Variants in GIPC2 observed in about 807,000 individuals in gnomAD.
The protein encoded by GIPC2 is GIPC PDZ domain containing family member 2.
A neutral mutation model predicts 30.6 loss-of-function variants in GIPC2; 30 were observed. That is an observed-to-expected ratio of 0.98 (90% CI 0.73 to 1.33). The LOEUF (loss-of-function observed/expected upper bound fraction) is 1.33. GIPC2 is among the 40% of genes most tolerant of loss of function. The pLI is 0.00. For missense variants in GIPC2, 414 were observed against 390.3 expected, an observed-to-expected ratio of 1.06 and a Z score of -0.51; for synonymous variants, 167 against 150.0, an observed-to-expected ratio of 1.11 and a Z score of -0.83.
chr1:78,073,622 A>G (rs1661662818), intron 1 of GIPC2, among the ~76,000 whole-genome samples: 1 of 152,214 alleles, frequency 6.6e-6, no homozygotes, highest in Non-Finnish European at 1.5e-5. Flanking sequence ...TGGAACATGT[A>G]GAATCTTTGG....
chr1:78,120,648 A>G (rs1662663519), intron 4 of GIPC2, among the ~76,000 whole-genome samples: 1 of 152,212 alleles, frequency 6.6e-6, no homozygotes, highest in Non-Finnish European at 1.5e-5. Flanking sequence ...TCATGGTGGA[A>G]GGTGAATGAG....
intron 1 of GIPC2, among the ~76,000 whole-genome samples, chr1:78,053,395 AAC>A (rs1661229568): frequency 6.6e-6 from 1 of 152,132 alleles, no homozygotes; most frequent in African/African-American, 2.4e-5. Context: ...CAAATCACCT[AAC>A]ACAAGCCCAA....
chr1:78,105,940 A>G (rs1432335315), intron 3 of GIPC2, among the ~76,000 whole-genome samples: 2 of 152,094 alleles, frequency 1.3e-5, no homozygotes, highest in Non-Finnish European at 2.9e-5. Flanking sequence ...TTATGTGTGG[A>G]AAAATGTTTG....
At chr1:78,076,088 C>A (rs1196801979) in intron 1 of GIPC2, among the ~76,000 whole-genome samples, 1 of 152,208 alleles carries the variant, frequency 6.6e-6, no homozygotes, top group Non-Finnish European at 1.5e-5. Flanking sequence ...AGGATTCTTT[C>A]CCCAAACCCC....
chr1:78,106,821 C>T (rs915691389), intron 3 of GIPC2, among the ~76,000 whole-genome samples: 6 of 152,002 alleles, frequency 3.9e-5, no homozygotes, highest in African/African-American at 9.7e-5. Context: ...GCTGGGATTA[C>T]AGGCATGTAC....
chr1:78,077,960 G>A (rs1044053839), intron 1 of GIPC2, among the ~76,000 whole-genome samples: 4 of 151,794 alleles, frequency 2.6e-5, no homozygotes, highest in Non-Finnish European at 4.4e-5. Context: ...AGGCCGAGGC[G>A]GGCGGATCAC....
intron 3 of GIPC2, among the ~76,000 whole-genome samples, chr1:78,109,051 T>C (rs1662414377): frequency 6.6e-6 from 1 of 152,208 alleles, no homozygotes; most frequent in African/African-American, 2.4e-5. Context: ...CTGTCTGATG[T>C]ACCTGATTCA....
At chr1:78,117,112 A>G (rs1446216535) in intron 3 of GIPC2, among the ~76,000 whole-genome samples, 1 of 152,242 alleles carries the variant, frequency 6.6e-6, no homozygotes, top group Non-Finnish European at 1.5e-5. Context: ...ACAAAGGGCT[A>G]ATATGCAGAA....
rs926091811 is a variant in GIPC2, at chr1:78,138,156, C to T, written c.*2413C>T. The T allele has an allele frequency of 7.2e-5, 11 of 152,112 alleles. No individual in the cohort carries two copies. The highest frequency in any genetic ancestry group is 5.8e-4 in the East Asian group (3 of 5,168). The allele number at this position is 152,112 out of a possible 1,614,324, so 9.4% of individuals were successfully genotyped here. Reference sequence around the variant, plus strand: ...GCAAATGATAATTGTATGTTGGGCTCGATGAGGCCTTGAACATAGCTGAGT... The same window carrying T: ...GCAAATGATAATTGTATGTTGGGCTTGATGAGGCCTTGAACATAGCTGAGT... On this transcript the variant is annotated 3_prime_UTR_variant, in exon 6 of 6. Coordinates refer to ENST00000370759, the MANE Select transcript of GIPC2 (RefSeq NM_017655.6).
intron 3 of GIPC2, among the ~76,000 whole-genome samples, chr1:78,100,941 TACACACAC>T (rs71590709): frequency 5.5e-4 from 63 of 114,874 alleles, no homozygotes; most frequent in Middle Eastern, 4.2e-3. Context: ...AAAAAAAAAA[TACACACAC>T]ACACACACAC....
chr1:78,082,887 A>T (rs183398550), intron 2 of GIPC2, among the ~76,000 whole-genome samples: 1 of 152,086 alleles, frequency 6.6e-6, no homozygotes, highest in African/African-American at 2.4e-5. Context: ...CATTTATCCA[A>T]ATCTCCAATT....
chr1:78,098,499 C>T (rs1662181500), intron 3 of GIPC2, among the ~76,000 whole-genome samples: 1 of 152,044 alleles, frequency 6.6e-6, no homozygotes, highest in Non-Finnish European at 1.5e-5. Context: ...AATTATCTAT[C>T]TCACAAATTA....
At position 78,046,037 on chromosome 1, in the gene GIPC2, CG is replaced by C; in HGVS notation, c.-52del. On this transcript the variant is annotated 5_prime_UTR_variant, in exon 1 of 6. Transcript: ENST00000370759. The stretch of plus-strand genomic sequence containing the variant: ...GCCCGGGGCGCAAAGTCCGAGGCGC[CG>C]GGGGGAGGAGGCGGCGGACGGCAGC... 5 of 1,399,658 alleles carry C rather than the reference CG, an allele frequency of 3.6e-6. No individual in the cohort carries two copies. The highest frequency in any genetic ancestry group is 3.7e-5 in the Admixed American group (1 of 26,684). The allele number at this position is 1,399,658 out of a possible 1,614,324, so 86.7% of individuals were successfully genotyped here.
chr1:78,122,826 C>A (rs1047258491), intron 4 of GIPC2, among the ~76,000 whole-genome samples: 15 of 152,106 alleles, frequency 9.9e-5, no homozygotes, highest in African/African-American at 3.6e-4. Context: ...GAATAAAAAC[C>A]CTGTTTCTCT....
At chr1:78,058,287 T>G (rs1331750777) in intron 1 of GIPC2, among the ~76,000 whole-genome samples, 1 of 152,190 alleles carries the variant, frequency 6.6e-6, no homozygotes, top group Non-Finnish European at 1.5e-5. Context: ...AAAAATCATG[T>G]ATGTAAGATC....
intron 1 of GIPC2, among the ~76,000 whole-genome samples, chr1:78,062,488 C>T (rs1661412070): frequency 6.6e-6 from 1 of 151,096 alleles, no homozygotes; most frequent in Non-Finnish European, 1.5e-5. Flanking sequence ...AAGGGAATTA[C>T]TGTGTTTTTT....
chr1:78,090,251 G>A (rs1329070305), intron 2 of GIPC2, among the ~76,000 whole-genome samples: 1 of 152,166 alleles, frequency 6.6e-6, no homozygotes, highest in African/African-American at 2.4e-5. Flanking sequence ...CTGTAGTGCA[G>A]TGGTGTGGTC....
chr1:78,123,199 G>A (rs1386433534), intron 4 of GIPC2, among the ~76,000 whole-genome samples: 1 of 149,476 alleles, frequency 6.7e-6, no homozygotes, highest in East Asian at 2.0e-4. Context: ...GGCGGAGGTT[G>A]CAGCGAGCCG....
chr1:78,079,484 G>A (rs1229100382), intron 1 of GIPC2, among the ~76,000 whole-genome samples: 1 of 152,192 alleles, frequency 6.6e-6, no homozygotes, highest in African/African-American at 2.4e-5. Context: ...CTCAATCAAG[G>A]TTCTGTTAGG....
Sources: allele counts gnomAD v4.1 joint callset (sites outside exome capture counted in the v4.1 genomes callset), GRCh38; gene constraint gnomAD v4.1.1; transcripts MANE v1.5; gene names NCBI Gene and HGNC (gene_info 2026-07-23, HGNC 2026-07-21).